Variants in SAP30L observed in about 807,000 individuals in gnomAD.
SAP30L encodes histone deacetylase complex subunit SAP30L.
A neutral mutation model predicts 22.3 loss-of-function variants in SAP30L; 10 were observed. That is an observed-to-expected ratio of 0.45 (90% CI 0.28 to 0.76). The LOEUF (loss-of-function observed/expected upper bound fraction) is 0.76, where lower values mean the gene tolerates loss of function less well. Among genes scored for constraint, SAP30L ranks in the 30% least tolerant of loss-of-function variants. The probability of loss-of-function intolerance (pLI) is 0.14; values close to 1 mark genes in which losing one functional copy is unlikely to be tolerated. For synonymous variants in SAP30L, 91 were observed against 94.1 expected, an observed-to-expected ratio of 0.97 and a Z score of 0.19; for missense variants, 206 against 237.9, an observed-to-expected ratio of 0.87 and a Z score of 0.88.
intron 2 of SAP30L, 156 bp from the exon 3 acceptor site, chr5:154,453,246 G>A: frequency 1.8e-6 from 1 of 559,646 alleles, no homozygotes; most frequent in East Asian, 2.9e-5. Context: ...TGCCCTCCTA[G>A]CCAGTTACTA....
chr5:154,449,681 T>C (rs909161721), intron 1 of SAP30L, among the ~76,000 whole-genome samples: 3 of 152,180 alleles, frequency 2.0e-5, no homozygotes, highest in African/African-American at 7.2e-5. Context: ...CAGTAGTATA[T>C]ACATCAGCTA....
At chr5:154,452,603 AT>A (rs1396478524) in intron 2 of SAP30L, 1 of 406,056 alleles carries the variant, frequency 2.5e-6, no homozygotes, top group Non-Finnish European at 3.3e-6. Context: ...CCCCTCTGTT[AT>A]CCAGTCATCT....
At chr5:154,454,372 T>G (rs1010738691) in intron 3 of SAP30L, among the ~76,000 whole-genome samples, 2 of 150,764 alleles carry the variant, frequency 1.3e-5, no homozygotes, top group Non-Finnish European at 3.0e-5. Context: ...TCTGTCTTTG[T>G]CATTTCTGCA....
chr5:154,453,178 C>G (rs1757187763), intron 2 of SAP30L: 1 of 460,348 alleles, frequency 2.2e-6, no homozygotes, highest in Admixed American at 3.8e-5. Context: ...TTTACCTTTT[C>G]CACCAGTTTT....
Position 154,453,405 on chromosome 5 carries a change from G to A in SAP30L, c.328G>A (p.Asp110Asn). 6.2e-7 allele frequency: 1 copy of A among 1,612,908 alleles called. No homozygotes were observed. The change falls in exon 3 of 4, where the codon GAT (aspartate) becomes AAT (asparagine). Residue 110 changes from aspartate to asparagine, a missense_variant. Transcript: ENST00000297109. ...PEHDTDIPEV[D>N]LFQLQVNTLR... The stretch of plus-strand genomic sequence containing the variant: ...ATTTTTCTCCTCTTCTCCCTAGGTT[G>A]ATCTGTTCCAGCTGCAGGTGAACAC...
Position 154,446,416 on chromosome 5 carries a change from TCCGGAGGCGGAGGG to T in SAP30L, c.-184_-171del. ...GCCTCGAGCCGGGAGGAAGGGGGCT[TCCGGAGGCGGAGGG>T]CCGGGGGCCGAGGGAGCCGGGCCTC... On this transcript the variant is annotated 5_prime_UTR_variant, in exon 1 of 4. Coordinates refer to ENST00000297109, the MANE Select transcript of SAP30L (RefSeq NM_024632.6). 4.5e-6 allele frequency: 2 copies of T among 442,176 alleles called. No individual in the cohort carries two copies. Among genetic ancestry groups the T allele is most frequent in the Non-Finnish European group, 7.6e-6 (2 of 263,038 alleles). The allele number at this position is 442,176 out of a possible 1,614,324, so 27.4% of individuals were successfully genotyped here.
intron 1 of SAP30L, among the ~76,000 whole-genome samples, chr5:154,449,710 A>G (rs949259284): frequency 6.6e-6 from 1 of 152,214 alleles, no homozygotes; most frequent in Admixed American, 6.5e-5. Context: ...TCTTTGGGAC[A>G]GTGGCATGTG....
rs1757321061 is a variant in SAP30L at position 154,459,033 on chromosome 5, T to G, written c.*3005T>G. On this transcript the variant is annotated 3_prime_UTR_variant, in exon 4 of 4. Transcript: ENST00000297109. ...GCTGCAGTGTTGCATCTAATTTTGG[T>G]GTTTAGGCTTTTTATTTTGTGGGAA... 6.6e-6 allele frequency: 1 copy of G among 152,156 alleles called. No homozygotes were observed. The highest frequency in any genetic ancestry group is 1.5e-5 in the Non-Finnish European group (1 of 68,030). The allele number at this position is 152,156 out of a possible 1,614,324, so 9.4% of individuals were successfully genotyped here. A position where few individuals can be genotyped will look rare whatever the true frequency, so the allele number is the denominator to read the frequency against.
chr5:154,446,484 C>T lies in SAP30L; in HGVS notation c.-121C>T. 1.2e-6 allele frequency: 1 copy of T among 822,466 alleles called. No homozygotes were observed. Among genetic ancestry groups the T allele is most frequent in the Non-Finnish European group, 1.7e-6 (1 of 582,560 alleles). 50.9% of individuals were successfully genotyped at this position (822,466 alleles called of 1,614,324 possible). On this transcript the variant is annotated 5_prime_UTR_variant, in exon 1 of 4. Coordinates refer to ENST00000297109, the MANE Select transcript of SAP30L (RefSeq NM_024632.6). Reference sequence around the variant, plus strand: ...GACGCGGGGCAGGGCAGCGCCCGGGCTGGAGACGGACTCTGGGACCCTCGG... The same window carrying T: ...GACGCGGGGCAGGGCAGCGCCCGGGTTGGAGACGGACTCTGGGACCCTCGG...
At chr5:154,446,876 C>G (rs1757026405) in intron 1 of SAP30L, 71 bp downstream of exon 1, 2 of 1,319,904 alleles carry the variant, frequency 1.5e-6, no homozygotes, top group African/African-American at 1.5e-5. Context: ...GGGCTCCAGT[C>G]GGGACTCCCC....
intron 2 of SAP30L, chr5:154,453,017 A>G (rs1218492458): frequency 2.3e-5 from 4 of 170,488 alleles, no homozygotes; most frequent in Non-Finnish European, 3.8e-5. Context: ...TGGATGTGCT[A>G]CCATCCATTC....
rs1424453084 is a variant in SAP30L at position 154,460,685 on chromosome 5, C to T, written c.*4657C>T. The T allele has an allele frequency of 6.6e-6, 1 of 152,226 alleles. No individual in the cohort carries two copies. Among genetic ancestry groups the T allele is most frequent in the Non-Finnish European group, 1.5e-5 (1 of 68,046 alleles). 9.4% of individuals were successfully genotyped at this position (152,226 alleles called of 1,614,324 possible). A position where few individuals can be genotyped will look rare whatever the true frequency, so the allele number is the denominator to read the frequency against. The stretch of plus-strand genomic sequence containing the variant: ...AAAACACAAACCCTTCAGTTGCTTT[C>T]ACTTAATGCACACATTTGCCAATGA... On this transcript the variant is annotated 3_prime_UTR_variant, in exon 4 of 4. Coordinates refer to ENST00000297109, the MANE Select transcript of SAP30L (RefSeq NM_024632.6).
intron 1 of SAP30L, among the ~76,000 whole-genome samples, chr5:154,447,961 TTC>T (rs1439981526): frequency 7.5e-6 from 1 of 132,898 alleles, no homozygotes; most frequent in Non-Finnish European, 1.6e-5. Flanking sequence ...TCTTTTTTTT[TTC>T]TTTTTCTTTT....
intron 3 of SAP30L, among the ~76,000 whole-genome samples, chr5:154,455,672 AG>A (rs202107319): frequency 0.011 from 1,605 of 152,262 alleles, 31 homozygotes; most frequent in African/African-American, 0.037. Context: ...ACCTTGGAAG[AG>A]TTGTAGGTTA....
At position 154,459,981 on chromosome 5, in the gene SAP30L, AACTCAAAAAGATGTGCCTG is replaced by A. The variant is rs1582049261; in HGVS notation, c.*3955_*3973del. ...CCGTTTTTAGAGATGGGGAAACTAA[AACTCAAAAAGATGTGCCTG>A]AGGTCATATGGCATTATCAGAACCA... On this transcript the variant is annotated 3_prime_UTR_variant, in exon 4 of 4. Transcript: ENST00000297109. The A allele has an allele frequency of 6.6e-6, 1 of 152,300 alleles. No individual in the cohort carries two copies. Among genetic ancestry groups the A allele is most frequent in the East Asian group, 1.9e-4 (1 of 5,176 alleles). 9.4% of individuals were successfully genotyped at this position (152,300 alleles called of 1,614,324 possible). A position where few individuals can be genotyped will look rare whatever the true frequency, so the allele number is the denominator to read the frequency against.
chr5:154,452,790 A>G (rs74328927), intron 2 of SAP30L, among the ~76,000 whole-genome samples: 11,183 of 152,166 alleles, frequency 0.073, 450 homozygotes, highest in Non-Finnish European at 0.086. Context: ...GTTCTGGCCT[A>G]TCATCCTCCA....
rs1318217832 is a variant in SAP30L, at chr5:154,457,976, AAGT to A, written c.*1949_*1951del. 1 of 152,224 alleles carries A rather than the reference AAGT, an allele frequency of 6.6e-6. No homozygotes were observed. The highest frequency in any genetic ancestry group is 1.5e-5 in the Non-Finnish European group (1 of 68,036). 9.4% of individuals were successfully genotyped at this position (152,224 alleles called of 1,614,324 possible). On this transcript the variant is annotated 3_prime_UTR_variant, in exon 4 of 4. Transcript: ENST00000297109. ...AATGTCCATATCTTAATGAGTAAAA[AAGT>A]GTATTTTTCTGATACGTAAACCAGA...
rs1385398577 is a variant in SAP30L, at chr5:154,457,218, T to G, written c.*1190T>G. Reference sequence around the variant, plus strand: ...AAAACGTTGAACTCCTCAATCTAATTATATCAGAGCCAAAGTATCCTGTGA... The same window carrying G: ...AAAACGTTGAACTCCTCAATCTAATGATATCAGAGCCAAAGTATCCTGTGA... On this transcript the variant is annotated 3_prime_UTR_variant, in exon 4 of 4. Transcript: ENST00000297109. 2 of 152,204 alleles carry G rather than the reference T, an allele frequency of 1.3e-5. No homozygotes were observed. Among genetic ancestry groups the G allele is most frequent in the African/African-American group, 4.8e-5 (2 of 41,452 alleles). 9.4% of individuals were successfully genotyped at this position (152,204 alleles called of 1,614,324 possible).
rs375302605 is a variant in SAP30L at position 154,447,387 on chromosome 5, G to C, written c.201+582G>C. Among the ~76,000 whole-genome samples the C allele has an allele frequency of 9.5e-4, 145 of 152,342 alleles. 1 individual carries two copies. The highest frequency in any genetic ancestry group is 6.8e-3 in the Middle Eastern group (2 of 294). Reference sequence around the variant, plus strand: ...CTCTTGCAGTCGATGTGACTGGAGGGGGGAAGAAAAGAAATCAATTTTCTT... The same window carrying C: ...CTCTTGCAGTCGATGTGACTGGAGGCGGGAAGAAAAGAAATCAATTTTCTT... On this transcript the variant is annotated intron_variant, in intron 1 of 3. Transcript: ENST00000297109.
Sources: allele counts gnomAD v4.1 joint callset (sites outside exome capture counted in the v4.1 genomes callset), GRCh38; gene constraint gnomAD v4.1.1; transcripts MANE v1.5; gene names NCBI Gene and HGNC (gene_info 2026-07-23, HGNC 2026-07-21).